RTN4: variants seen among roughly 807,000 people sequenced by gnomAD.
RTN4 encodes reticulon 4, also known as reticulon-4.
Under a neutral mutation model 90.4 loss-of-function variants are expected in RTN4, and 32 were observed. That is an observed-to-expected ratio of 0.35 (90% CI 0.27 to 0.48). The LOEUF is 0.48. RTN4 is among the 20% of genes least tolerant of loss of function. RTN4 has a pLI of 0.99. For missense variants in RTN4, 1,706 were observed against 1,430.2 expected, an observed-to-expected ratio of 1.19 and a Z score of -3.11; for synonymous variants, 629 against 552.5, an observed-to-expected ratio of 1.14 and a Z score of -1.94.
chr2:55,073,643 C>A (rs1232432714), intron 2 of RTN4, among the ~76,000 whole-genome samples: 1 of 152,148 alleles, frequency 6.6e-6, no homozygotes, highest in Non-Finnish European at 1.5e-5. Context: ...TCATTAGGAG[C>A]CACTTTAAAA....
rs58507129 is a variant in RTN4, at chr2:55,105,183, T to G, written c.-214+7337A>C. On this transcript the variant is annotated intron_variant, in intron 1 of 3. Coordinates refer to the RTN4 transcript ENST00000427710. ...ATTTTTAGGCCTTCCATATTTCTTT[T>G]TTGTGAATTACTCATTGCCTTCCCC... Among the ~76,000 whole-genome samples, 411 of 151,964 alleles carry G rather than the reference T, an allele frequency of 2.7e-3. 6 individuals carry two copies. The highest frequency in any genetic ancestry group is 9.8e-3 in the African/African-American group (406 of 41,368).
chr2:55,053,981 G>T (rs903651519), upstream of RTN4, among the ~76,000 whole-genome samples: 3 of 152,100 alleles, frequency 2.0e-5, no homozygotes, highest in Non-Finnish European at 2.9e-5. Context: ...GAAGGAGAAG[G>T]GATGATGAGA....
chr2:55,133,676 G>T, the RTN4 span, among the ~76,000 whole-genome samples: 2 of 152,120 alleles, frequency 1.3e-5, no homozygotes, highest in East Asian at 3.9e-4. Context: ...ACCCTGAGCT[G>T]GTTAAGTGAC....
intron 3 of RTN4, among the ~76,000 whole-genome samples, chr2:54,988,189 T>C (rs758843098): frequency 1.3e-5 from 2 of 152,150 alleles, no homozygotes; most frequent in Non-Finnish European, 2.9e-5. Context: ...TGGTGGCGCA[T>C]GCCTGTAATT....
intron 4 of RTN4, among the ~76,000 whole-genome samples, chr2:54,986,975 A>T (rs1678611228): frequency 6.6e-6 from 1 of 152,198 alleles, no homozygotes; most frequent in Non-Finnish European, 1.5e-5. Context: ...CAAGGGTAGA[A>T]GATGATAGTT....
intron 1 of RTN4, among the ~76,000 whole-genome samples, chr2:55,092,010 A>C (rs899749039): frequency 6.6e-6 from 1 of 151,978 alleles, no homozygotes; most frequent in African/African-American, 2.4e-5. Context: ...ACACAATTCA[A>C]GTTGAGATTT....
At chr2:55,090,057 T>C (rs1668910049) in intron 1 of RTN4, among the ~76,000 whole-genome samples, 1 of 152,238 alleles carries the variant, frequency 6.6e-6, no homozygotes, top group Non-Finnish European at 1.5e-5. Context: ...ATTTATTTAA[T>C]GAAAGTCTTT....
At chr2:55,099,276 T>A (rs2105054173) in intron 1 of RTN4, among the ~76,000 whole-genome samples, 1 of 152,252 alleles carries the variant, frequency 6.6e-6, no homozygotes, top group South Asian at 2.1e-4. Flanking sequence ...CATGACCAGT[T>A]TTTTGAGCAT....
chr2:55,080,054 C>T (rs913900432), intron 2 of RTN4, among the ~76,000 whole-genome samples: 4 of 152,070 alleles, frequency 2.6e-5, no homozygotes, highest in African/African-American at 9.7e-5. Flanking sequence ...GGGACAGGGT[C>T]CTCCCAGGCT....
At chr2:55,006,000 G>C (rs1680193049) in intron 3 of RTN4, among the ~76,000 whole-genome samples, 1 of 152,030 alleles carries the variant, frequency 6.6e-6, no homozygotes, top group East Asian at 1.9e-4. Flanking sequence ...GCAAACTTTA[G>C]CAATAACCTG....
chr2:55,043,349 T>C (rs2860453), intron 1 of RTN4, among the ~76,000 whole-genome samples: 2 of 152,008 alleles, frequency 1.3e-5, no homozygotes, highest in African/African-American at 4.8e-5. Context: ...AATCAAGAAA[T>C]AGCCATTCAG....
chr2:55,032,686 G>A (rs1682403519), intron 1 of RTN4, among the ~76,000 whole-genome samples: 1 of 152,222 alleles, frequency 6.6e-6, no homozygotes, highest in Admixed American at 6.5e-5. Flanking sequence ...CCTCAGTGCT[G>A]AGAGACAATC....
At chr2:55,046,775 T>A (rs1381914318) in intron 1 of RTN4, 1 of 152,152 alleles carries the variant, frequency 6.6e-6, no homozygotes, top group Non-Finnish European at 1.5e-5. Context: ...TTGAAAATGG[T>A]TAACTATCCA....
chr2:55,114,576 G>A (rs1310293694), upstream of RTN4, among the ~76,000 whole-genome samples: 1 of 152,206 alleles, frequency 6.6e-6, no homozygotes, highest in East Asian at 1.9e-4. Context: ...ACGCACGCCT[G>A]TAATCCCAGC....
intron 5 of RTN4, among the ~76,000 whole-genome samples, chr2:54,980,761 G>A (rs945459482): frequency 2.6e-5 from 4 of 152,140 alleles, no homozygotes; most frequent in Non-Finnish European, 5.9e-5. Context: ...ACTACTTACA[G>A]ACAGTATTTC....
chr2:55,097,335 C>A (rs1052306458), intron 1 of RTN4, among the ~76,000 whole-genome samples: 2 of 151,320 alleles, frequency 1.3e-5, no homozygotes, highest in African/African-American at 4.9e-5. Flanking sequence ...TGGCCTCAGT[C>A]CAGACTCAGA....
chr2:55,019,995 G>A (rs553034268), intron 3 of RTN4, among the ~76,000 whole-genome samples: 1 of 152,144 alleles, frequency 6.6e-6, no homozygotes, highest in East Asian at 1.9e-4. Flanking sequence ...TAACCAAGGA[G>A]GTGAAAGACT....
intron 1 of RTN4, among the ~76,000 whole-genome samples, chr2:55,031,799 G>C (rs1055685769): frequency 1.3e-5 from 2 of 152,258 alleles, no homozygotes; most frequent in South Asian, 4.1e-4. Context: ...GAACAGTTTA[G>C]ACAAAGGCTG....
At chr2:54,977,405 C>CA (rs1677723646) in intron 5 of RTN4, among the ~76,000 whole-genome samples, 1 of 70,806 alleles carries the variant, frequency 1.4e-5, no homozygotes, top group Non-Finnish European at 2.9e-5. Context: ...GAGCTCAGGC[C>CA]GTTTTTTTTT....
Sources: gnomAD v4.1 joint callset for allele counts (sites outside exome capture counted in the v4.1 genomes callset) on GRCh38, gnomAD v4.1.1 for gene constraint, MANE v1.5 for transcripts, NCBI Gene and HGNC (gene_info 2026-07-23, HGNC 2026-07-21) for gene names.